The following NFATC1 variants were observed in gnomAD, a reference collection of about 807,000 sequenced individuals.
The protein encoded by NFATC1 is nuclear factor of activated T cells 1.
A neutral mutation model predicts 76.0 loss-of-function variants in NFATC1; 22 were observed. The ratio of observed to expected loss-of-function variants is 0.29; its 90% CI spans 0.21 to 0.41. The LOEUF (loss-of-function observed/expected upper bound fraction) is 0.41, where lower values mean the gene tolerates loss of function less well. NFATC1 is among the 10% of genes least tolerant of loss of function. The probability of loss-of-function intolerance (pLI) is 1.00; values close to 1 mark genes in which losing one functional copy is unlikely to be tolerated. For missense variants in NFATC1, 1,357 were observed against 1,337.7 expected (o/e 1.01, Z -0.23); for synonymous variants, 704 against 613.1 (o/e 1.15, Z -2.19).
At chr18:79,461,799 C>G (rs1360829540) in intron 7 of NFATC1, among the ~76,000 whole-genome samples, 2 of 152,220 alleles carry the variant, frequency 1.3e-5, no homozygotes, top group Non-Finnish European at 2.9e-5. Flanking sequence ...CTGCCCAGAC[C>G]CGCTCACAGC....
At position 79,492,987 on chromosome 18, in the gene NFATC1, C is replaced by T. The variant is rs1489129470; in HGVS notation, c.2782+6050C>T. 2.7e-5 allele frequency among the ~76,000 whole-genome samples: 4 copies of T among 148,112 alleles called. No individual in the cohort carries two copies. The South Asian group carries it at 8.5e-4, about 32-fold the overall frequency. ...AGTTTTGTTTCAGAAGTGCTTGACC[C>T]ATAAATAAATTCCAACAATGAGGTC... On this transcript the variant is annotated intron_variant, in intron 9 of 9. Transcript: ENST00000427363.
At chr18:79,403,677 C>T (rs926096836) in intron 1 of NFATC1, among the ~76,000 whole-genome samples, 11 of 152,274 alleles carry the variant, frequency 7.2e-5, no homozygotes, top group South Asian at 4.1e-4. Flanking sequence ...TCTGTGTGCC[C>T]GGGTCTGCCA....
intron 9 of NFATC1, among the ~76,000 whole-genome samples, chr18:79,494,290 G>A (rs2089798554): frequency 2.1e-5 from 3 of 145,674 alleles, no homozygotes; most frequent in Admixed American, 6.9e-5. Context: ...GCCGGGGGAA[G>A]GCGAGAGCGG....
chr18:79,396,329 C>G lies in NFATC1; in HGVS notation c.105C>G (p.Gly35=), dbSNP rs374280400. The G allele has an allele frequency of 1.4e-6, 2 of 1,405,798 alleles. No individual in the cohort carries two copies. Among genetic ancestry groups the G allele is most frequent in the Non-Finnish European group, 1.9e-6 (2 of 1,064,050 alleles). 87.1% of individuals were successfully genotyped at this position (1,405,798 alleles called of 1,614,324 possible). The change falls in exon 1 of 10, where the codon GGC becomes GGG. Residue 35 remains glycine (G), a synonymous_variant. Transcript: ENST00000427363. ...ETLGPAPRAG[G]TMKSAEEEHY... Reference sequence around the variant, plus strand: ...TGGGGCCCGCGCCGCGCGCCGGCGGCACCATGAAGTCAGCGGAGGAAGGTA... The same window carrying G: ...TGGGGCCCGCGCCGCGCGCCGGCGGGACCATGAAGTCAGCGGAGGAAGGTA...
At chr18:79,480,809 G>A (rs1308766689) in intron 8 of NFATC1, among the ~76,000 whole-genome samples, 2 of 152,190 alleles carry the variant, frequency 1.3e-5, no homozygotes, top group South Asian at 2.1e-4. Flanking sequence ...TTTTTAAAGC[G>A]CTCGGGACAC....
Position 79,450,967 on chromosome 18 carries a change from G to A in NFATC1, c.1603G>A (p.Gly535Arg). The A allele has an allele frequency of 1.2e-6, 2 of 1,613,588 alleles. No homozygotes were observed. The highest frequency in any genetic ancestry group is 1.7e-6 in the Non-Finnish European group (2 of 1,179,846). The change falls in exon 5 of 10, where the codon GGA becomes AGA. Residue 535 changes from glycine to arginine, a missense_variant. Gly to Arg is a moderately radical substitution (Grantham distance 125, BLOSUM62 -2). Around this residue, in one of 3 missense-constraint regions of NFATC1, gnomAD observed 242 missense variants for 329.2 expected, o/e 0.74. Transcript: ENST00000427363. ...NSMRAVIDCA[G>R]ILKLRNSDIE... Reference sequence around the variant, plus strand: ...TGTTTTGGGCAGCATTGACTGTGCCGGAATCCTGAAACTCAGAAACTCCGA... The same window carrying A: ...TGTTTTGGGCAGCATTGACTGTGCCAGAATCCTGAAACTCAGAAACTCCGA...
At chr18:79,519,238 T>C (rs1414525574) in intron 9 of NFATC1, among the ~76,000 whole-genome samples, 2 of 152,260 alleles carry the variant, frequency 1.3e-5, no homozygotes, top group African/African-American at 2.4e-5. Context: ...TCCTTAGGAA[T>C]TGCTGACTTC....
Position 79,465,490 on chromosome 18 carries a change from C to T in NFATC1, c.1960-1960C>T, listed in dbSNP as rs992889637. 2.6e-5 allele frequency among the ~76,000 whole-genome samples: 4 copies of T among 151,904 alleles called. No individual in the cohort carries two copies. Among genetic ancestry groups the T allele is most frequent in the East Asian group, 1.9e-4 (1 of 5,142 alleles). On this transcript the variant is annotated intron_variant, in intron 7 of 9. Transcript: ENST00000427363. This position sits in a 1 kb window ranked among gnomAD's most constrained non-coding sequence, Gnocchi z 4.2. ...TGGCCCACGGAATCTCCGCCTCTGC[C>T]CAGCCAGCCTGGCCCATGTGGTCCC...
In NFATC1 at chr18:79,524,861, G is replaced by A. The variant is rs1194064890; in HGVS notation, c.2783-2667G>A. On this transcript the variant is annotated intron_variant, in intron 9 of 9. Transcript: ENST00000427363. The surrounding 1 kb of genome is among the most constrained non-coding windows in gnomAD (Gnocchi z 7.2). Reference sequence around the variant, plus strand: ...CCGCTTCCCTTTCACCCTCAGCGACGCGCCCTCCTGTGCCCGCGGGGAACA... The same window carrying A: ...CCGCTTCCCTTTCACCCTCAGCGACACGCCCTCCTGTGCCCGCGGGGAACA... Among the ~76,000 whole-genome samples, 4 of 151,978 alleles carry A rather than the reference G, an allele frequency of 2.6e-5. No homozygotes were observed. The highest frequency in any genetic ancestry group is 1.3e-4 in the Admixed American group (2 of 15,258).
intron 3 of NFATC1, among the ~76,000 whole-genome samples, chr18:79,436,543 G>A (rs1285891378): frequency 5.9e-5 from 9 of 152,072 alleles, no homozygotes; most frequent in African/African-American, 1.4e-4. Context: ...CCCGGCGTCC[G>A]CGTCCTCCCA....
At position 79,410,215 on chromosome 18, in the gene NFATC1, G is replaced by A; in HGVS notation, c.128-188G>A. The stretch of plus-strand genomic sequence containing the variant: ...CTCACGGGAGCCTTGTTGGCCAGGT[G>A]GGACTGGGGCTGTCACTCCAAGTCG... On this transcript the variant is annotated intron_variant, in intron 1 of 9. Coordinates refer to ENST00000427363, the MANE Select transcript of NFATC1 (RefSeq NM_001278669.2). This position sits in a 1 kb window ranked among gnomAD's most constrained non-coding sequence, Gnocchi z 6.7. 1 of 908,714 alleles carries A rather than the reference G, an allele frequency of 1.1e-6. No individual in the cohort carries two copies. The highest frequency in any genetic ancestry group is 2.4e-5 in the East Asian group (1 of 41,274). The allele number at this position is 908,714 out of a possible 1,614,324, so 56.3% of individuals were successfully genotyped here.
intron 9 of NFATC1, among the ~76,000 whole-genome samples, chr18:79,500,436 A>G (rs937927421): frequency 6.6e-6 from 1 of 152,160 alleles, no homozygotes; most frequent in African/African-American, 2.4e-5. Flanking sequence ...TATATGAGGA[A>G]TAAGATGGAT....
intron 9 of NFATC1, among the ~76,000 whole-genome samples, chr18:79,489,109 C>T (rs995271831): frequency 6.6e-6 from 1 of 152,278 alleles, no homozygotes; most frequent in African/African-American, 2.4e-5. Flanking sequence ...GCCCGGGCCC[C>T]TCTGGCCTTG....
intron 3 of NFATC1, among the ~76,000 whole-genome samples, chr18:79,435,351 T>TGTTG (rs2086736003): frequency 8.7e-6 from 1 of 114,932 alleles, no homozygotes; most frequent in Non-Finnish European, 1.9e-5. Flanking sequence ...TTGGTTTGTT[T>TGTTG]GTTTTTTTTT....
At chr18:79,436,795 C>T (rs2086795308) in intron 3 of NFATC1, among the ~76,000 whole-genome samples, 2 of 152,106 alleles carry the variant, frequency 1.3e-5, no homozygotes, top group Admixed American at 6.5e-5. Flanking sequence ...GCATCCGGGG[C>T]TTCTCCCATT....
At chr18:79,408,072 G>T (rs372597126) in intron 1 of NFATC1, among the ~76,000 whole-genome samples, 5 of 152,180 alleles carry the variant, frequency 3.3e-5, no homozygotes, top group African/African-American at 9.7e-5. Context: ...TTGAGGCCAC[G>T]GTGTGTCCTC....
At chr18:79,435,230 T>C in intron 3 of NFATC1, among the ~76,000 whole-genome samples, 1 of 152,210 alleles carries the variant, frequency 6.6e-6, no homozygotes, top group East Asian at 1.9e-4. Context: ...ACGTCGCCCT[T>C]TTCACTGTAT....
intron 9 of NFATC1, chr18:79,495,956 G>T (rs547079020): frequency 4.0e-5 from 6 of 151,034 alleles, no homozygotes; most frequent in African/African-American, 1.2e-4. Flanking sequence ...GTGAACAGTA[G>T]TAAGGCGTCC....
At position 79,425,013 on chromosome 18, in the gene NFATC1, C is replaced by G. The variant is rs59332435; in HGVS notation, c.1227-8566C>G. On this transcript the variant is annotated intron_variant, in intron 2 of 9. Transcript: ENST00000427363. ...TGTGTCTATCTCTGTGTCTGTCTCTCTCTCTGTCTCCATCTCTCTCCATCT... is the reference window on the plus strand; with the variant it reads ...TGTGTCTATCTCTGTGTCTGTCTCTGTCTCTGTCTCCATCTCTCTCCATCT... 9.7e-3 allele frequency among the ~76,000 whole-genome samples: 1,462 copies of G among 150,284 alleles called. 24 individuals carry two copies. Among genetic ancestry groups the G allele is most frequent in the African/African-American group, 0.033 (1,337 of 40,438 alleles).
Sources: gnomAD v4.1 joint callset for allele counts (sites outside exome capture counted in the v4.1 genomes callset) on GRCh38, gnomAD v4.1.1 for gene constraint, gnomAD v4.1.1 regional missense constraint, Gnocchi (gnomAD v3.1) non-coding constraint, MANE v1.5 for transcripts, NCBI Gene and HGNC (gene_info 2026-07-23, HGNC 2026-07-21) for gene names.